The following SPATA17 variants were observed in gnomAD, a reference collection of about 807,000 sequenced individuals.
The protein encoded by SPATA17 is spermatogenesis associated 17, also known as spermatogenesis-associated protein 17.
A neutral mutation model predicts 62.2 loss-of-function variants in SPATA17; 53 were observed. That is an observed-to-expected ratio of 0.85 (90% confidence interval 0.68 to 1.07). The LOEUF (loss-of-function observed/expected upper bound fraction) is 1.07. SPATA17 is among the 50% of genes least tolerant of loss of function. The probability of loss-of-function intolerance (pLI) is 0.00; values close to 1 mark genes in which losing one functional copy is unlikely to be tolerated. For missense variants in SPATA17, 466 were observed against 425.5 expected, an observed-to-expected ratio of 1.10 and a Z score of -0.84; for synonymous variants, 146 against 146.8, an observed-to-expected ratio of 0.99 and a Z score of 0.04.
chr1:217,804,771 A>G (rs1242619502), intron 9 of SPATA17, among the ~76,000 whole-genome samples: 1 of 152,222 alleles, frequency 6.6e-6, no homozygotes, highest in African/African-American at 2.4e-5. Flanking sequence ...CAAATGGCCA[A>G]CAAGTATATG....
intron 9 of SPATA17, among the ~76,000 whole-genome samples, chr1:217,855,369 A>G (rs972594194): frequency 6.6e-6 from 1 of 152,224 alleles, no homozygotes; most frequent in African/African-American, 2.4e-5. Context: ...GCTACAGATC[A>G]TTCTAACTAA....
At chr1:217,663,649 G>C (rs1005255954) in intron 3 of SPATA17, among the ~76,000 whole-genome samples, 2 of 152,006 alleles carry the variant, frequency 1.3e-5, no homozygotes, top group Non-Finnish European at 1.5e-5. Flanking sequence ...ATTGTGCATG[G>C]CTTCTAAAGG....
chr1:217,776,154 A>G (rs1051580471), intron 7 of SPATA17, among the ~76,000 whole-genome samples: 11 of 152,198 alleles, frequency 7.2e-5, no homozygotes, highest in African/African-American at 2.7e-4. Context: ...AATCTTCCCT[A>G]TAACTAGATT....
chr1:217,825,870 T>C (rs1324225020), intron 9 of SPATA17, among the ~76,000 whole-genome samples: 1 of 152,052 alleles, frequency 6.6e-6, no homozygotes, highest in East Asian at 1.9e-4. Context: ...ACACTATGTT[T>C]CTCAATAAAA....
chr1:217,666,587 T>C (rs1234038403), intron 3 of SPATA17, among the ~76,000 whole-genome samples: 1 of 152,148 alleles, frequency 6.6e-6, no homozygotes, highest in East Asian at 1.9e-4. Flanking sequence ...AATTTACCAC[T>C]TCAATCATTT....
intron 8 of SPATA17, among the ~76,000 whole-genome samples, chr1:217,795,861 T>C (rs1304016748): frequency 3.9e-5 from 6 of 152,076 alleles, no homozygotes; most frequent in Non-Finnish European, 8.8e-5. Context: ...TGCAGTGGCA[T>C]GATCGTGACT....
chr1:217,677,452 A>T (rs1670972779), intron 4 of SPATA17, among the ~76,000 whole-genome samples: 1 of 152,108 alleles, frequency 6.6e-6, no homozygotes, highest in Admixed American at 6.6e-5. Flanking sequence ...TGACCCCGAG[A>T]TTACATAGTT....
At chr1:217,732,114 C>CT (rs1553370391) in intron 5 of SPATA17, among the ~76,000 whole-genome samples, 1 of 152,020 alleles carries the variant, frequency 6.6e-6, no homozygotes. Flanking sequence ...CTCTGTCTCA[C>CT]CACTATTTTG....
chr1:217,749,971 C>CTATATATA (rs1221231899), intron 6 of SPATA17, among the ~76,000 whole-genome samples: 4 of 45,822 alleles, frequency 8.7e-5, no homozygotes, highest in East Asian at 3.8e-4. Context: ...CTCTCTCTCT[C>CTATATATA]TCTCTCTCTC....
intron 2 of SPATA17, among the ~76,000 whole-genome samples, chr1:217,649,369 C>T (rs1425370435): frequency 6.6e-6 from 1 of 152,112 alleles, no homozygotes; most frequent in Admixed American, 6.5e-5. Context: ...ATCCCAGGTA[C>T]TTAGGAGGTC....
intron 1 of SPATA17, among the ~76,000 whole-genome samples, chr1:217,646,209 A>G (rs958179383): frequency 1.3e-5 from 2 of 152,140 alleles, no homozygotes; most frequent in African/African-American, 2.4e-5. Context: ...CATTCTCATT[A>G]TAATTCTACT....
At chr1:217,736,606 A>C (rs1028951226) in intron 5 of SPATA17, among the ~76,000 whole-genome samples, 11 of 152,176 alleles carry the variant, frequency 7.2e-5, no homozygotes, top group African/African-American at 2.7e-4. Flanking sequence ...AATGAAATAC[A>C]GCCATTGTGA....
At chr1:217,741,884 T>A in intron 5 of SPATA17, 91 bp from the exon 6 acceptor site, 1 of 1,421,666 alleles carries the variant, frequency 7.0e-7, no homozygotes, top group South Asian at 1.3e-5. Flanking sequence ...TGGATGATGG[T>A]TGCCCCTCAA....
intron 5 of SPATA17, among the ~76,000 whole-genome samples, chr1:217,718,388 C>A (rs1165748181): frequency 1.3e-5 from 2 of 151,984 alleles, no homozygotes; most frequent in South Asian, 4.2e-4. Context: ...CCAGGATCCC[C>A]AAAAGCCATA....
chr1:217,706,525 T>C (rs778624176), intron 5 of SPATA17, among the ~76,000 whole-genome samples: 4 of 152,214 alleles, frequency 2.6e-5, no homozygotes, highest in Non-Finnish European at 4.4e-5. Flanking sequence ...TGGTAGTTTT[T>C]TCTGTGCTCT....
At chr1:217,815,410 C>A (rs1406213998) in intron 9 of SPATA17, among the ~76,000 whole-genome samples, 1 of 152,128 alleles carries the variant, frequency 6.6e-6, no homozygotes, top group Non-Finnish European at 1.5e-5. Flanking sequence ...TCTAGGTAGG[C>A]CCCTATCAAA....
intron 9 of SPATA17, among the ~76,000 whole-genome samples, chr1:217,826,708 T>C (rs193234531): frequency 6.6e-6 from 1 of 152,242 alleles, no homozygotes; most frequent in African/African-American, 2.4e-5. Context: ...CAATAGTCAA[T>C]TTCAAAGCAG....
At chr1:217,778,699 A>T (rs1673656921) in intron 7 of SPATA17, among the ~76,000 whole-genome samples, 1 of 152,238 alleles carries the variant, frequency 6.6e-6, no homozygotes, top group Admixed American at 6.5e-5. Flanking sequence ...CATGAAGGTC[A>T]TCTGAACCAA....
At chr1:217,817,618 C>T (rs920940885) in intron 9 of SPATA17, among the ~76,000 whole-genome samples, 1 of 152,014 alleles carries the variant, frequency 6.6e-6, no homozygotes, top group Non-Finnish European at 1.5e-5. Context: ...AAAGTAAGAT[C>T]CTCGACTGAG....
Sources: allele counts gnomAD v4.1 joint callset (sites outside exome capture counted in the v4.1 genomes callset), GRCh38; gene constraint gnomAD v4.1.1; transcripts MANE v1.5; gene names NCBI Gene and HGNC (gene_info 2026-07-23, HGNC 2026-07-21).